B4GALT1: variants seen among roughly 807,000 people sequenced by gnomAD.
B4GALT1 encodes beta-1,4-galactosyltransferase 1.
A neutral mutation model predicts 34.9 loss-of-function variants in B4GALT1; 16 were observed. That is an observed-to-expected ratio of 0.46 (90% CI 0.31 to 0.70). The LOEUF is 0.70. Ranked by LOEUF, B4GALT1 falls within the 30% of genes least tolerant of loss-of-function variation. B4GALT1 has a pLI of 0.05. For missense variants in B4GALT1, 445 were observed against 530.5 expected, an observed-to-expected ratio of 0.84 and a Z score of 1.58; for synonymous variants, 221 against 218.1, an observed-to-expected ratio of 1.01 and a Z score of -0.12.
chr9:33,123,679 G>A (rs1053989649), intron 2 of B4GALT1, among the ~76,000 whole-genome samples: 2 of 152,164 alleles, frequency 1.3e-5, no homozygotes, highest in African/African-American at 4.8e-5. Context: ...GGGCCTACTG[G>A]CCTTGGCTGT....
chr9:33,135,915 G>A (rs899867478), intron 1 of B4GALT1, among the ~76,000 whole-genome samples: 8 of 149,822 alleles, frequency 5.3e-5, no homozygotes, highest in African/African-American at 2.0e-4. Context: ...GTGTGTATGT[G>A]TGTGTGTGTG....
At chr9:33,148,407 C>T (rs1587744455) in intron 1 of B4GALT1, among the ~76,000 whole-genome samples, 1 of 152,196 alleles carries the variant, frequency 6.6e-6, no homozygotes, top group South Asian at 2.1e-4. Flanking sequence ...TAAACTGAGG[C>T]AGCCATTCTG....
At chr9:33,182,678 G>A in the B4GALT1 span, among the ~76,000 whole-genome samples, 4 of 151,992 alleles carry the variant, frequency 2.6e-5, no homozygotes, top group Non-Finnish European at 4.4e-5. Context: ...ACTTCTCCCC[G>A]CTATATTCAT....
At chr9:33,104,847 T>A in intron 2 of B4GALT1, 1 of 439,406 alleles carries the variant, frequency 2.3e-6, no homozygotes, top group South Asian at 1.6e-5. Flanking sequence ...TGAGACAGTC[T>A]CACTCTGTTG....
At chr9:33,164,872 G>C (rs1459641821) in intron 1 of B4GALT1, among the ~76,000 whole-genome samples, 1 of 151,834 alleles carries the variant, frequency 6.6e-6, no homozygotes, top group Non-Finnish European at 1.5e-5. Flanking sequence ...CTGCTGTGCA[G>C]AGCCATTTCT....
chr9:33,168,220 T>C (rs151319302), upstream of B4GALT1, among the ~76,000 whole-genome samples: 38 of 152,354 alleles, frequency 2.5e-4, no homozygotes, highest in East Asian at 6.9e-3. Context: ...AGAGGCAGAA[T>C]TCTGGCTCCG....
rs1242074780 is a variant in B4GALT1, at chr9:33,136,042, T to A, written c.413-618A>T. On this transcript the variant is annotated intron_variant, in intron 1 of 5. Coordinates refer to ENST00000379731, the MANE Select transcript of B4GALT1 (RefSeq NM_001497.4). Reference sequence around the variant, plus strand: ...TCCCAGGAAGGGACTCGATGGAAGGTGAACCAAGGTCTGGGAGAGATGGAG... The same window carrying A: ...TCCCAGGAAGGGACTCGATGGAAGGAGAACCAAGGTCTGGGAGAGATGGAG... Among the ~76,000 whole-genome samples the A allele has an allele frequency of 3.3e-5, 5 of 151,410 alleles. No homozygotes were observed. In the South Asian group the frequency reaches 8.4e-4, roughly 25 times the overall value.
At chr9:33,105,994 C>T (rs1839793900), downstream of B4GALT1, among the ~76,000 whole-genome samples, 1 of 143,688 alleles carries the variant, frequency 7.0e-6, no homozygotes, top group South Asian at 2.3e-4. Context: ...GGACTTGTTG[C>T]ATTCTATGGT....
At chr9:33,166,714 G>A (rs1564055997) in intron 1 of B4GALT1, 44 bp downstream of exon 1, 2 of 1,461,960 alleles carry the variant, frequency 1.4e-6, no homozygotes, top group African/African-American at 1.5e-5. Flanking sequence ...GGGGAAATCC[G>A]GGGGGGTCCC....
the B4GALT1 span, among the ~76,000 whole-genome samples, chr9:33,181,354 G>T: frequency 6.6e-6 from 1 of 151,484 alleles, no homozygotes; most frequent in African/African-American, 2.4e-5. Context: ...AGCCCAGGAG[G>T]TTGAGGTGGC....
intron 2 of B4GALT1, among the ~76,000 whole-genome samples, 162 bp from the exon 3 acceptor site, chr9:33,120,768 G>C (rs146077685): frequency 8.8e-4 from 134 of 152,264 alleles, no homozygotes; most frequent in African/African-American, 3.2e-3. Flanking sequence ...CAAAACCTCT[G>C]AGTCAGCAAT....
At chr9:33,180,641 G>C in the B4GALT1 span, among the ~76,000 whole-genome samples, 4 of 152,162 alleles carry the variant, frequency 2.6e-5, no homozygotes, top group South Asian at 8.3e-4. Context: ...CTGCCTCCAT[G>C]AATAATTTCG....
At chr9:33,115,855 G>T in intron 4 of B4GALT1, 136 bp downstream of exon 4, 2 of 1,161,212 alleles carry the variant, frequency 1.7e-6, no homozygotes, top group African/African-American at 1.5e-5. Context: ...CCTGTAGGAA[G>T]CCACACCTAA....
At chr9:33,168,791 C>T (rs1840809756), upstream of B4GALT1, among the ~76,000 whole-genome samples, 1 of 152,240 alleles carries the variant, frequency 6.6e-6, no homozygotes, top group Non-Finnish European at 1.5e-5. Flanking sequence ...TTGTCTCCAG[C>T]CCAGATCTCT....
At chr9:33,156,954 G>A (rs1232877308) in intron 1 of B4GALT1, among the ~76,000 whole-genome samples, 1 of 152,124 alleles carries the variant, frequency 6.6e-6, no homozygotes, top group East Asian at 1.9e-4. Flanking sequence ...AAGAGCCACA[G>A]TAAGGCTCCT....
At chr9:33,151,950 G>T (rs1840522710) in intron 1 of B4GALT1, among the ~76,000 whole-genome samples, 1 of 152,192 alleles carries the variant, frequency 6.6e-6, no homozygotes, top group Non-Finnish European at 1.5e-5. Context: ...ATCATTTTGG[G>T]ATGGTGAAGA....
intron 2 of B4GALT1, among the ~76,000 whole-genome samples, chr9:33,132,573 G>A (rs967270928): frequency 7.9e-5 from 12 of 152,210 alleles, no homozygotes; most frequent in East Asian, 1.9e-4. Flanking sequence ...CTGTGCCACC[G>A]GTCTGAGCTG....
Position 33,113,525 on chromosome 9 carries a change from A to G in B4GALT1, c.1126T>C (p.Tyr376His), listed in dbSNP as rs774669699. ...TATCTCTGTACATCCAGCACCTGGT[A>G]GGTGAGTGAGTTCAAACCATCAGAG... ...MLSDGLNSLT[Y>H]QVLDVQRYPL... Residue 376 changes from tyrosine to histidine, a missense_variant, in exon 6 of 6, where the codon TAC (tyrosine) becomes CAC (histidine). Transcript: ENST00000379731. The G allele has an allele frequency of 6.2e-7, 1 of 1,614,258 alleles. No individual in the cohort carries two copies. Among genetic ancestry groups the G allele is most frequent in the Non-Finnish European group, 8.5e-7 (1 of 1,180,038 alleles).
intron 1 of B4GALT1, among the ~76,000 whole-genome samples, chr9:33,147,498 C>T (rs933494617): frequency 6.6e-6 from 1 of 151,850 alleles, no homozygotes; most frequent in Non-Finnish European, 1.5e-5. Context: ...CTGCCCACCT[C>T]GGCCTCCCAG....
Sources: gnomAD v4.1 joint callset for allele counts (sites outside exome capture counted in the v4.1 genomes callset) on GRCh38, gnomAD v4.1.1 for gene constraint, MANE v1.5 for transcripts, NCBI Gene and HGNC (gene_info 2026-07-23, HGNC 2026-07-21) for gene names.